TADA2A: variants seen among roughly 807,000 people sequenced by gnomAD.
TADA2A encodes the protein transcriptional adaptor 2A, also known as transcriptional adapter 2-alpha.
In TADA2A, 38 loss-of-function variants were observed where a neutral mutation model predicts 67.4. The observed-to-expected ratio is 0.56, with a 90% CI of 0.44 to 0.74. The LOEUF (loss-of-function observed/expected upper bound fraction) is 0.74. Ranked by LOEUF, TADA2A falls within the 30% of genes least tolerant of loss-of-function variation. The pLI, the probability that TADA2A is intolerant of heterozygous loss-of-function variation, is 0.00. For missense variants in TADA2A, 454 were observed against 547.0 expected (o/e 0.83, Z 1.70); for synonymous variants, 192 against 181.6 (o/e 1.06, Z -0.46).
intron 2 of TADA2A, among the ~76,000 whole-genome samples, chr17:37,416,938 GTCTT>G (rs1240052743): frequency 6.6e-6 from 1 of 150,978 alleles, no homozygotes; most frequent in African/African-American, 2.4e-5. Flanking sequence ...TAGATAAAAA[GTCTT>G]TCTCTTAGAT....
In TADA2A at chr17:37,412,567, T is replaced by C. The variant is rs577177786; in HGVS notation, c.25+1177T>C. Among the ~76,000 whole-genome samples the C allele has an allele frequency of 3.3e-5, 5 of 152,178 alleles. No individual in the cohort carries two copies. In the South Asian group the frequency reaches 1.0e-3, roughly 32 times the overall value. ...TTGGGAGGTCGAGGTGGGTGGATCA[T>C]GAGGTCAGGAGTTTGAGACCAGCCT... On this transcript the variant is annotated intron_variant, in intron 2 of 15. Coordinates refer to ENST00000615182, the MANE Select transcript of TADA2A (RefSeq NM_001166105.3).
At chr17:37,453,759 A>AT (rs143096066) in intron 8 of TADA2A, among the ~76,000 whole-genome samples, 1,793 of 69,110 alleles carry the variant, frequency 0.026, 133 homozygotes, top group African/African-American at 0.051. Context: ...GAAATAACTG[A>AT]TTTTTTTTTT....
chr17:37,458,091 T>C (rs749234209), intron 8 of TADA2A, among the ~76,000 whole-genome samples: 1 of 152,194 alleles, frequency 6.6e-6, no homozygotes, highest in Non-Finnish European at 1.5e-5. Context: ...CTCCACCCTC[T>C]GATAGGCCCT....
intron 6 of TADA2A, among the ~76,000 whole-genome samples, chr17:37,441,459 G>A (rs986431326): frequency 1.3e-5 from 2 of 152,078 alleles, no homozygotes; most frequent in Non-Finnish European, 1.5e-5. Flanking sequence ...CAGTGATGGC[G>A]AACTTTTTAA....
At chr17:37,434,271 C>T (rs2147951670) in intron 4 of TADA2A, among the ~76,000 whole-genome samples, 1 of 152,256 alleles carries the variant, frequency 6.6e-6, no homozygotes, top group East Asian at 1.9e-4. Flanking sequence ...AGGTGAATTG[C>T]CTTCTCATTT....
intron 15 of TADA2A, 70 bp from the exon 16 acceptor site, chr17:37,476,727 G>T: frequency 6.5e-7 from 1 of 1,535,102 alleles, no homozygotes; most frequent in Non-Finnish European, 8.8e-7. Flanking sequence ...AAAATTTTTT[G>T]CTATACCTGC....
rs140661855 is a variant in TADA2A at position 37,477,347 on chromosome 17, G to T, written c.*365G>T. On this transcript the variant is annotated 3_prime_UTR_variant, in exon 16 of 16. Coordinates refer to ENST00000615182, the MANE Select transcript of TADA2A (RefSeq NM_001166105.3). Reference sequence around the variant, plus strand: ...GGAGTCCAGCTCAGATCCTTATATTGCGAGGTAAGTTTGCTGATTATCTGT... The same window carrying T: ...GGAGTCCAGCTCAGATCCTTATATTTCGAGGTAAGTTTGCTGATTATCTGT... 6.7e-5 allele frequency: 13 copies of T among 194,984 alleles called. No homozygotes were observed. The highest frequency in any genetic ancestry group is 2.8e-4 in the African/African-American group (12 of 43,392). The allele number at this position is 194,984 out of a possible 1,614,324, so 12.1% of individuals were successfully genotyped here.
rs375563705 is a variant in TADA2A, at chr17:37,457,622, G to A, written c.605-902G>A. On this transcript the variant is annotated intron_variant, in intron 8 of 15. Coordinates refer to ENST00000615182, the MANE Select transcript of TADA2A (RefSeq NM_001166105.3). Reference sequence around the variant, plus strand: ...AACGATTCTCCCACCTCAGCCTCCCGAGTAGCTGGGATTACAGGTAACTGC... The same window carrying A: ...AACGATTCTCCCACCTCAGCCTCCCAAGTAGCTGGGATTACAGGTAACTGC... 3.4e-5 allele frequency among the ~76,000 whole-genome samples: 5 copies of A among 148,886 alleles called. No individual in the cohort carries two copies. In the East Asian group the frequency reaches 7.9e-4, roughly 23 times the overall value.
chr17:37,410,173 C>T (rs551957496), intron 1 of TADA2A, among the ~76,000 whole-genome samples: 1 of 151,948 alleles, frequency 6.6e-6, no homozygotes, highest in East Asian at 1.9e-4. Context: ...GCCTGGGCAA[C>T]AGAGCCAGAC....
At chr17:37,423,367 A>G (rs1007855916) in intron 2 of TADA2A, 142 bp from the exon 3 acceptor site, 2 of 591,936 alleles carry the variant, frequency 3.4e-6, no homozygotes, top group Non-Finnish European at 5.7e-6. Flanking sequence ...GCTTTTTTTT[A>G]TTTGTAATGA....
Position 37,474,738 on chromosome 17 carries a change from C to T in TADA2A, c.1146+109C>T, listed in dbSNP as rs564390215. 3.0e-5 allele frequency: 34 copies of T among 1,150,974 alleles called. No individual in the cohort carries two copies. The African/African-American group carries it at 4.8e-4, about 16-fold the overall frequency. The allele number at this position is 1,150,974 out of a possible 1,614,324, so 71.3% of individuals were successfully genotyped here. ...AACCCCTTTTGTTTCATTCATCTAACATATATGCACAGCTCTGGTGAATCC... is the reference window on the plus strand; with the variant it reads ...AACCCCTTTTGTTTCATTCATCTAATATATATGCACAGCTCTGGTGAATCC... On this transcript the variant is annotated intron_variant, in intron 15 of 15. Transcript: ENST00000615182.
chr17:37,439,487 T>C (rs1003118714), intron 5 of TADA2A, among the ~76,000 whole-genome samples: 1 of 152,136 alleles, frequency 6.6e-6, no homozygotes, highest in African/African-American at 2.4e-5. Flanking sequence ...TTTACTGTGT[T>C]GCCCAGGCTG....
chr17:37,422,367 G>C (rs2052264636), intron 2 of TADA2A, among the ~76,000 whole-genome samples: 1 of 150,938 alleles, frequency 6.6e-6, no homozygotes, highest in African/African-American at 2.4e-5. Context: ...TTTTAGTAGA[G>C]ACAGGGTTTC....
chr17:37,460,168 C>T (rs111303600), intron 9 of TADA2A, among the ~76,000 whole-genome samples: 19,555 of 151,274 alleles, frequency 0.13, 1,446 homozygotes, highest in East Asian at 0.25. Context: ...ACTGCCTTGG[C>T]CTCCCAGAGT....
chr17:37,410,940 A>G (rs932487103), intron 1 of TADA2A, among the ~76,000 whole-genome samples: 1 of 152,226 alleles, frequency 6.6e-6, no homozygotes, highest in Non-Finnish European at 1.5e-5. Flanking sequence ...AGAAATATGT[A>G]GCATTTGCCC....
intron 10 of TADA2A, among the ~76,000 whole-genome samples, chr17:37,464,078 G>A: frequency 6.6e-6 from 1 of 152,168 alleles, no homozygotes. Flanking sequence ...GTAGCAGTTC[G>A]AGAGTTACTG....
At chr17:37,414,868 T>C (rs918263188) in intron 2 of TADA2A, among the ~76,000 whole-genome samples, 2 of 149,022 alleles carry the variant, frequency 1.3e-5, no homozygotes, top group Non-Finnish European at 3.0e-5. Context: ...GACTGTTTTT[T>C]ACTCTAATTT....
chr17:37,438,221 G>C, intron 5 of TADA2A: 1 of 165,450 alleles, frequency 6.0e-6, no homozygotes, highest in South Asian at 1.7e-4. Flanking sequence ...ATGGTCATAC[G>C]TAAGATTCAA....
chr17:37,440,411 G>C (rs1001733317), intron 5 of TADA2A, 94 bp from the exon 6 acceptor site: 2 of 1,392,760 alleles, frequency 1.4e-6, no homozygotes, highest in Admixed American at 4.5e-5. Flanking sequence ...TATATTATAT[G>C]GATGTGACTT....
Sources: allele counts gnomAD v4.1 joint callset (sites outside exome capture counted in the v4.1 genomes callset), GRCh38; gene constraint gnomAD v4.1.1; transcripts MANE v1.5; gene names NCBI Gene and HGNC (gene_info 2026-07-23, HGNC 2026-07-21).